The following LRRC7 variants were observed in gnomAD, a reference collection of about 807,000 sequenced individuals.
LRRC7 encodes leucine-rich repeat-containing protein 7.
A neutral mutation model predicts 175.7 loss-of-function variants in LRRC7; 23 were observed. The observed-to-expected ratio is 0.13, with a 90% confidence interval of 0.09 to 0.19. The LOEUF (loss-of-function observed/expected upper bound fraction) is 0.19. Ranked by LOEUF, LRRC7 falls within the 10% of genes least tolerant of loss-of-function variation. The pLI, the probability that LRRC7 is intolerant of heterozygous loss-of-function variation, is 1.00. For missense variants in LRRC7, 1,354 were observed against 1,904.7 expected (o/e 0.71, Z 5.38); for synonymous variants, 685 against 680.9 (o/e 1.01, Z -0.09).
intron 7 of LRRC7, among the ~76,000 whole-genome samples, chr1:69,897,511 C>A (rs1179844625): frequency 1.3e-5 from 2 of 152,088 alleles, no homozygotes; most frequent in East Asian, 3.8e-4. Context: ...TCCATGAGGG[C>A]AGAGACTTTA....
At chr1:69,919,844 T>C (rs1570654152) in intron 7 of LRRC7, 7 of 702,662 alleles carry the variant, frequency 1.0e-5, no homozygotes, top group Middle Eastern at 2.5e-4. Flanking sequence ...GGAGTGAGGA[T>C]TGGGGGCCCA....
intron 25 of LRRC7, among the ~76,000 whole-genome samples, chr1:70,106,528 T>G (rs1357141931): frequency 1.3e-5 from 2 of 152,218 alleles, no homozygotes; most frequent in Non-Finnish European, 2.9e-5. Flanking sequence ...TACCACATTT[T>G]GTTTATCCAT....
At chr1:69,882,603 C>T (rs974282755) in intron 7 of LRRC7, among the ~76,000 whole-genome samples, 4 of 150,088 alleles carry the variant, frequency 2.7e-5, no homozygotes, top group African/African-American at 9.8e-5. Flanking sequence ...AACTAGAGGA[C>T]ATTTTTCTTT....
intron 24 of LRRC7, among the ~76,000 whole-genome samples, chr1:70,088,369 C>T (rs540225563): frequency 1.3e-5 from 2 of 151,992 alleles, no homozygotes; most frequent in East Asian, 3.9e-4. Context: ...CTAGCCCGGG[C>T]AACACAGCAA....
At chr1:70,081,247 C>T (rs1238827564) in intron 24 of LRRC7, among the ~76,000 whole-genome samples, 7 of 152,186 alleles carry the variant, frequency 4.6e-5, no homozygotes, top group Non-Finnish European at 1.0e-4. Context: ...TAAAAGCATA[C>T]ATAAGTTGCC....
chr1:69,668,442 A>C (rs1055774098), intron 1 of LRRC7, among the ~76,000 whole-genome samples: 1 of 152,086 alleles, frequency 6.6e-6, no homozygotes, highest in Non-Finnish European at 1.5e-5. Context: ...GATGGTTTCC[A>C]GTTTCATCCA....
chr1:69,985,132 A>G (rs1169471167), intron 9 of LRRC7, among the ~76,000 whole-genome samples: 3 of 152,160 alleles, frequency 2.0e-5, no homozygotes, highest in African/African-American at 7.2e-5. Context: ...ACAGGGTGTT[A>G]TAATTATTTC....
At chr1:70,118,649 T>C (rs937065321) in intron 26 of LRRC7, among the ~76,000 whole-genome samples, 1 of 152,174 alleles carries the variant, frequency 6.6e-6, no homozygotes, top group Non-Finnish European at 1.5e-5. Context: ...TATTATGTTA[T>C]CAGGTGATTC....
chr1:69,772,641 G>A (rs1463714832), intron 3 of LRRC7, among the ~76,000 whole-genome samples: 1 of 152,192 alleles, frequency 6.6e-6, no homozygotes, highest in African/African-American at 2.4e-5. Flanking sequence ...AGTTGTTCAG[G>A]TGAGAGGTTG....
rs896532621 is a variant in LRRC7 at position 69,661,725 on chromosome 1, G to A, written c.3-16656G>A. Among the ~76,000 whole-genome samples the A allele has an allele frequency of 9.2e-5, 14 of 152,180 alleles. No homozygotes were observed. In the South Asian group the frequency reaches 2.5e-3, roughly 27 times the overall value. ...AGGCTGAAGGCAGAAGTCCAGGGAA[G>A]CACTTGGTCTTTACTTCCCCAGATT... On this transcript the variant is annotated intron_variant, in intron 1 of 26. Transcript: ENST00000651989.
intron 1 of LRRC7, among the ~76,000 whole-genome samples, chr1:69,601,444 A>C (rs1647068763): frequency 6.6e-6 from 1 of 152,108 alleles, no homozygotes. Context: ...TCCATCTTTT[A>C]ATGTTTAAAT....
chr1:69,951,535 A>G (rs957008266), intron 8 of LRRC7, among the ~76,000 whole-genome samples: 1 of 152,102 alleles, frequency 6.6e-6, no homozygotes, highest in African/African-American at 2.4e-5. Context: ...CATGGAATCA[A>G]CCTAAATGCC....
chr1:69,725,939 G>A (rs1666930048), intron 2 of LRRC7, among the ~76,000 whole-genome samples: 1 of 152,182 alleles, frequency 6.6e-6, no homozygotes. Context: ...TGAACAAAGG[G>A]CCTGGACCCT....
chr1:70,087,869 A>T (rs1355624416), intron 24 of LRRC7, among the ~76,000 whole-genome samples: 1 of 152,166 alleles, frequency 6.6e-6, no homozygotes, highest in Non-Finnish European at 1.5e-5. Flanking sequence ...TATGACAGTG[A>T]ATTAAGTATA....
chr1:69,855,903 TC>T (rs1683552802), intron 7 of LRRC7, among the ~76,000 whole-genome samples: 1 of 152,194 alleles, frequency 6.6e-6, no homozygotes, highest in Admixed American at 6.5e-5. Context: ...TCTCTTTTGA[TC>T]TTTGTTGGTT....
In LRRC7 at chr1:70,122,427, T is replaced by G. The variant is rs574652486; in HGVS notation, c.*540T>G. ...AAAAATATATCTTAAAATAAGACTTTACTATATTGAATCTTTTTCAATAAA... is the reference window on the plus strand; with the variant it reads ...AAAAATATATCTTAAAATAAGACTTGACTATATTGAATCTTTTTCAATAAA... On this transcript the variant is annotated 3_prime_UTR_variant, in exon 27 of 27. Transcript: ENST00000651989. The G allele has an allele frequency of 1.3e-5, 2 of 152,302 alleles. No individual in the cohort carries two copies. The highest frequency in any genetic ancestry group is 2.1e-4 in the South Asian group (1 of 4,824). 9.4% of individuals were successfully genotyped at this position (152,302 alleles called of 1,614,324 possible).
At chr1:69,570,855 G>A (rs956234508) in intron 1 of LRRC7, among the ~76,000 whole-genome samples, 27 of 152,264 alleles carry the variant, frequency 1.8e-4, no homozygotes, top group South Asian at 2.1e-4. Flanking sequence ...ATTGAGTTTG[G>A]ACTTCTGAGG....
At position 70,099,275 on chromosome 1, in the gene LRRC7, T is replaced by C. The variant is rs559405791; in HGVS notation, c.4546-8477T>C. On this transcript the variant is annotated intron_variant, in intron 25 of 26. Coordinates refer to ENST00000651989, the MANE Select transcript of LRRC7 (RefSeq NM_001370785.2). ...GGCCTTTGACAAAATTCAACAACCC[T>C]TCATGCTAAAAACTCTCAATAAATT... is the stretch of plus-strand genomic sequence containing the variant. Among the ~76,000 whole-genome samples, 5 of 134,600 alleles carry C rather than the reference T, an allele frequency of 3.7e-5. No homozygotes were observed. In the South Asian group the frequency reaches 1.4e-3, roughly 38 times the overall value. 88.3% of individuals were successfully genotyped at this position (134,600 alleles called of 152,430 possible).
chr1:69,936,603 C>T (rs1053814655), intron 8 of LRRC7, among the ~76,000 whole-genome samples: 9 of 151,920 alleles, frequency 5.9e-5, no homozygotes, highest in African/African-American at 2.2e-4. Flanking sequence ...GGTGCATGTG[C>T]AGGTTTGTTA....
Sources: allele counts gnomAD v4.1 joint callset (sites outside exome capture counted in the v4.1 genomes callset), GRCh38; gene constraint gnomAD v4.1.1; transcripts MANE v1.5; gene names NCBI Gene and HGNC (gene_info 2026-07-23, HGNC 2026-07-21).